Variants in ZKSCAN5 observed in about 807,000 individuals in gnomAD.
ZKSCAN5 encodes the protein zinc finger protein with KRAB and SCAN domains 5.
ZKSCAN5 carries 28 observed loss-of-function variants against 60.0 expected under a neutral mutation model. The ratio of observed to expected loss-of-function variants is 0.47; its 90% confidence interval spans 0.35 to 0.64. The LOEUF (loss-of-function observed/expected upper bound fraction) is 0.64. ZKSCAN5 is among the 30% of genes least tolerant of loss of function. ZKSCAN5 has a pLI of 0.01. For synonymous variants in ZKSCAN5, 361 were observed against 371.2 expected (o/e 0.97, Z 0.31); for missense variants, 881 against 1,034.6 (o/e 0.85, Z 2.04).
rs2151097886 is a variant in ZKSCAN5 at position 99,511,902 on chromosome 7, G to C, written c.415-551G>C. ...CCTCCCAGGTTCATGCCATTCTCCT[G>C]CCTCAGCCTCCTGAGTAGCTGGGAC... On this transcript the variant is annotated intron_variant, in intron 2 of 6. Coordinates refer to ENST00000326775, the MANE Select transcript of ZKSCAN5 (RefSeq NM_145102.4). 2.0e-5 allele frequency among the ~76,000 whole-genome samples: 3 copies of C among 151,988 alleles called. No homozygotes were observed. The Middle Eastern group carries it at 0.01, about 517-fold the overall frequency.
At position 99,531,521 on chromosome 7, in the gene ZKSCAN5, G is replaced by C. The variant is rs4729542; in HGVS notation, c.1792G>C (p.Val598Leu). Residue 598 changes from valine to leucine, a missense_variant, in exon 7 of 7, where the codon GTC (valine) becomes CTC (leucine). Val to Leu is a conservative substitution (Grantham distance 32). Coordinates refer to ENST00000326775, the MANE Select transcript of ZKSCAN5 (RefSeq NM_145102.4). ...CGTGCACCTAACTCAGCATCAGCGC[G>C]TCCACACAGGTGAGAAGCCCTACAC... ...QRVHLTQHQR[V>L]HTGEKPYTCP... is the part of the protein sequence containing the mutation. The C allele has an allele frequency of 1.9e-6, 3 of 1,614,050 alleles. No individual in the cohort carries two copies. Among genetic ancestry groups the C allele is most frequent in the Admixed American group, 1.7e-5 (1 of 59,996 alleles).
intron 6 of ZKSCAN5, among the ~76,000 whole-genome samples, chr7:99,528,479 T>C (rs1584203260): frequency 6.6e-6 from 1 of 152,030 alleles, no homozygotes; most frequent in African/African-American, 2.4e-5. Context: ...CAGGCTAGGG[T>C]AAAGTAGCGG....
At chr7:99,519,548 A>G (rs1450006108) in intron 3 of ZKSCAN5, among the ~76,000 whole-genome samples, 1 of 152,114 alleles carries the variant, frequency 6.6e-6, no homozygotes, top group Non-Finnish European at 1.5e-5. Flanking sequence ...AAGTGCTGGT[A>G]TTACAGGCGT....
chr7:99,532,940 TAGA>T lies in ZKSCAN5; in HGVS notation c.*694_*696del, dbSNP rs1223162762. 5.9e-6 allele frequency: 1 copy of T among 168,424 alleles called. No individual in the cohort carries two copies. The highest frequency in any genetic ancestry group is 2.4e-5 in the African/African-American group (1 of 42,504). The allele number at this position is 168,424 out of a possible 1,614,324, so 10.4% of individuals were successfully genotyped here. A position where few individuals can be genotyped will look rare whatever the true frequency, so the allele number is the denominator to read the frequency against. On this transcript the variant is annotated 3_prime_UTR_variant, in exon 7 of 7. Coordinates refer to ENST00000326775, the MANE Select transcript of ZKSCAN5 (RefSeq NM_145102.4). ...TCTACTGATGTCAGGGTTTAGCCGG[TAGA>T]AGGAGTAGTTCAGTTTGTCAATTCA...
rs1446365651 is a variant in ZKSCAN5 at position 99,533,867 on chromosome 7, A to G, written c.*1618A>G. 5.5e-6 allele frequency: 2 copies of G among 361,958 alleles called. No homozygotes were observed. The highest frequency in any genetic ancestry group is 9.8e-6 in the Non-Finnish European group (2 of 203,470). 22.4% of individuals were successfully genotyped at this position (361,958 alleles called of 1,614,324 possible). On this transcript the variant is annotated 3_prime_UTR_variant, in exon 7 of 7. Transcript: ENST00000326775. ...CTCAGGCTCTGCTTTAGAGAACCTG[A>G]TCTAAGACATTTGGTGCCACAAGTG...
In ZKSCAN5 at chr7:99,526,379, G is replaced by A. The variant is rs1801793343; in HGVS notation, c.1339G>A (p.Glu447Lys). The change falls in exon 6 of 7, where the codon GAA becomes AAA. Residue 447 changes from glutamate to lysine, a missense_variant. Transcript: ENST00000326775. ...KNFGRHSHLI[E>K]HLKRHFREKS... ...CTTCGGTCGCCATTCGCATCTGATC[G>A]AACACCTAAAACGCCACTTCAGGGA... 1.2e-6 allele frequency: 2 copies of A among 1,602,338 alleles called. No individual in the cohort carries two copies. The highest frequency in any genetic ancestry group is 1.1e-5 in the South Asian group (1 of 91,066).
rs370092702 is a variant in ZKSCAN5 at position 99,531,304 on chromosome 7, A to G, written c.1575A>G (p.Pro525=). ...CCATGAAAGAGATACTAGGACAACCATCTTCAAAGAGGATGAACTACAGTG... is the reference window on the plus strand; with the variant it reads ...CCATGAAAGAGATACTAGGACAACCGTCTTCAAAGAGGATGAACTACAGTG... ...GIPMKEILGQ[P]SSKRMNYSEV... Residue 525 remains proline, a synonymous_variant, in exon 7 of 7, where the codon CCA becomes CCG. Coordinates refer to ENST00000326775, the MANE Select transcript of ZKSCAN5 (RefSeq NM_145102.4). The G allele has an allele frequency of 6.8e-5, 110 of 1,614,202 alleles. 1 individual carries two copies. The East Asian group carries it at 8.7e-4, about 13-fold the overall frequency.
intron 5 of ZKSCAN5, among the ~76,000 whole-genome samples, chr7:99,525,140 T>C (rs959811699): frequency 6.7e-6 from 1 of 149,484 alleles, no homozygotes; most frequent in Non-Finnish European, 1.5e-5. Context: ...CACTCCAGCC[T>C]GGGTGGCAGA....
chr7:99,510,736 G>C (rs191210632), intron 2 of ZKSCAN5, among the ~76,000 whole-genome samples: 2 of 151,752 alleles, frequency 1.3e-5, no homozygotes, highest in Non-Finnish European at 2.9e-5. Context: ...GAGCCACTGC[G>C]CCTGGCCTAT....
chr7:99,512,336 T>G (rs1801072550), intron 2 of ZKSCAN5, 117 bp from the exon 3 acceptor site: 1 of 1,347,130 alleles, frequency 7.4e-7, no homozygotes, highest in African/African-American at 1.5e-5. Context: ...CGTGGCTCAT[T>G]GTAGATGCAC....
chr7:99,523,323 G>A lies in ZKSCAN5; in HGVS notation c.773-2490G>A, dbSNP rs954975344. On this transcript the variant is annotated intron_variant, in intron 5 of 6. Coordinates refer to ENST00000326775, the MANE Select transcript of ZKSCAN5 (RefSeq NM_145102.4). ...CTCCACTGAGAGACAAGGGGAGGAGGAAGTGAGTAGGCTGCCTGCTGAACG... is the reference window on the plus strand; with the variant it reads ...CTCCACTGAGAGACAAGGGGAGGAGAAAGTGAGTAGGCTGCCTGCTGAACG... 2.6e-5 allele frequency among the ~76,000 whole-genome samples: 4 copies of A among 152,060 alleles called. No individual in the cohort carries two copies. In the East Asian group the frequency reaches 7.8e-4, roughly 29 times the overall value.
chr7:99,514,040 C>T (rs1208767111), intron 3 of ZKSCAN5, among the ~76,000 whole-genome samples: 2 of 151,908 alleles, frequency 1.3e-5, no homozygotes, highest in East Asian at 1.9e-4. Flanking sequence ...AGCAAAACTC[C>T]GTCTCAAAAA....
intron 1 of ZKSCAN5, chr7:99,505,597 AC>A (rs1800684414): frequency 6.0e-6 from 1 of 166,188 alleles, no homozygotes; most frequent in Admixed American, 5.6e-5. Flanking sequence ...CTCAGTTTTG[AC>A]CATTATAATG....
In ZKSCAN5 at chr7:99,506,357, G is replaced by C; in HGVS notation, c.313G>C (p.Glu105Gln). Reference sequence around the variant, plus strand: ...GCAGTTCCTGACCATCCTGCCTGAAGAGTTCCAGCCCTGGGTGAGGGAACA... The same window carrying C: ...GCAGTTCCTGACCATCCTGCCTGAACAGTTCCAGCCCTGGGTGAGGGAACA... Reference protein sequence around the residue: ...LEQFLTILPEEFQPWVREHHP... With the variant: ...LEQFLTILPEQFQPWVREHHP... Residue 105 changes from glutamate to glutamine, a missense_variant, in exon 2 of 7, where the codon GAG becomes CAG. Glu to Gln is a conservative substitution (Grantham distance 29, BLOSUM62 2). Around this residue, in one of 5 missense-constraint regions of ZKSCAN5, gnomAD observed 53 missense variants for 88.7 expected, o/e 0.60. Coordinates refer to ENST00000326775, the MANE Select transcript of ZKSCAN5 (RefSeq NM_145102.4). 6.2e-7 allele frequency: 1 copy of C among 1,614,236 alleles called. No homozygotes were observed. The highest frequency in any genetic ancestry group is 2.2e-5 in the East Asian group (1 of 44,890).
At chr7:99,522,330 C>A (rs1254005234) in intron 5 of ZKSCAN5, among the ~76,000 whole-genome samples, 1 of 151,968 alleles carries the variant, frequency 6.6e-6, no homozygotes, top group Non-Finnish European at 1.5e-5. Flanking sequence ...TGTTGGGGAA[C>A]AAGAGATAGT....
At chr7:99,527,847 G>A (rs1382706135) in intron 6 of ZKSCAN5, among the ~76,000 whole-genome samples, 1 of 151,958 alleles carries the variant, frequency 6.6e-6, no homozygotes, top group Non-Finnish European at 1.5e-5. Context: ...ACCATACCTG[G>A]CTAATTTTTT....
chr7:99,519,273 A>ATTTTTTTTTTT (rs536984886), intron 3 of ZKSCAN5, among the ~76,000 whole-genome samples: 1 of 112,666 alleles, frequency 8.9e-6, no homozygotes, highest in Non-Finnish European at 1.8e-5. Context: ...CACGCCCAGT[A>ATTTTTTTTTTT]TTTTTTTTTT....
rs1354474436 is a variant in ZKSCAN5, at chr7:99,531,390, G to A, written c.1661G>A (p.Cys554Tyr). 6.2e-7 allele frequency: 1 copy of A among 1,614,214 alleles called. No individual in the cohort carries two copies. Among genetic ancestry groups the A allele is most frequent in the African/African-American group, 1.3e-5 (1 of 75,066 alleles). The change falls in exon 7 of 7, where the codon TGT becomes TAT. Residue 554 changes from cysteine to tyrosine, a missense_variant. By Grantham distance (194) the Cys-to-Tyr change is radical (BLOSUM62 -2). Around this residue, in one of 5 missense-constraint regions of ZKSCAN5, gnomAD observed 490 missense variants for 554.5 expected, o/e 0.88. Transcript: ENST00000326775. ...TGERPHKCNECGKSFIQSAHL... is the reference protein window; with the variant it reads ...TGERPHKCNEYGKSFIQSAHL... ...GAGAGACCACATAAATGTAACGAGT[G>A]TGGGAAAAGCTTCATTCAGAGTGCA... is the stretch of plus-strand genomic sequence containing the variant.
At chr7:99,507,545 A>G (rs891942818) in intron 2 of ZKSCAN5, among the ~76,000 whole-genome samples, 8 of 145,904 alleles carry the variant, frequency 5.5e-5, no homozygotes, top group Admixed American at 1.4e-4. Flanking sequence ...ATATATATGT[A>G]TATATATGTA....
Sources: gnomAD v4.1 joint callset for allele counts (sites outside exome capture counted in the v4.1 genomes callset) on GRCh38, gnomAD v4.1.1 for gene constraint, gnomAD v4.1.1 regional missense constraint, MANE v1.5 for transcripts, NCBI Gene and HGNC (gene_info 2026-07-23, HGNC 2026-07-21) for gene names.